The following CHODL variants were observed in gnomAD, a reference collection of about 807,000 sequenced individuals.
The protein encoded by CHODL is transmembrane protein MT75.
A neutral mutation model predicts 34.5 loss-of-function variants in CHODL; 29 were observed. The ratio of observed to expected loss-of-function variants is 0.84; its 90% CI spans 0.63 to 1.15. The LOEUF is 1.15. Ranked by LOEUF, CHODL falls within the 50% of genes most tolerant of loss-of-function variation. The probability of loss-of-function intolerance (pLI) is 0.00; values close to 1 mark genes in which losing one functional copy is unlikely to be tolerated. For missense variants in CHODL, 332 were observed against 332.5 expected, an observed-to-expected ratio of 1.00 and a Z score of 0.01; for synonymous variants, 125 against 116.1, an observed-to-expected ratio of 1.08 and a Z score of -0.49.
At chr21:18,215,823 T>G (rs2073822303) in intron 2 of CHODL, among the ~76,000 whole-genome samples, 1 of 152,168 alleles carries the variant, frequency 6.6e-6, no homozygotes, top group African/African-American at 2.4e-5. Context: ...TACTTCTATC[T>G]ATGAGTTTAC....
At chr21:18,212,611 G>A (rs2073785352) in intron 2 of CHODL, among the ~76,000 whole-genome samples, 2 of 152,064 alleles carry the variant, frequency 1.3e-5, no homozygotes, top group South Asian at 2.1e-4. Context: ...AACACACTCA[G>A]AATTTATCTA....
At chr21:18,038,044 T>A (rs536095888) in intron 2 of CHODL, among the ~76,000 whole-genome samples, 23 of 151,672 alleles carry the variant, frequency 1.5e-4, no homozygotes, top group African/African-American at 4.8e-4. Flanking sequence ...AGCTTTACAA[T>A]TTTTTTTAAT....
At chr21:17,966,807 A>T (rs2063575144) in intron 1 of CHODL, among the ~76,000 whole-genome samples, 1 of 151,694 alleles carries the variant, frequency 6.6e-6, no homozygotes, top group South Asian at 2.1e-4. Context: ...GTTACTACTG[A>T]TTTCCATTAG....
At chr21:18,132,095 T>G (rs1054561206) in intron 2 of CHODL, among the ~76,000 whole-genome samples, 30 of 152,120 alleles carry the variant, frequency 2.0e-4, no homozygotes, top group African/African-American at 7.0e-4. Context: ...TTTTTTATTA[T>G]TATACTTTAA....
chr21:18,144,064 C>G (rs1444595496), intron 2 of CHODL, among the ~76,000 whole-genome samples: 1 of 152,018 alleles, frequency 6.6e-6, no homozygotes, highest in African/African-American at 2.4e-5. Context: ...AAGCTATTTA[C>G]ATGTAATTAG....
intron 1 of CHODL, among the ~76,000 whole-genome samples, chr21:17,954,288 GAAAGA>G (rs1026026587): frequency 2.0e-5 from 3 of 152,074 alleles, no homozygotes; most frequent in Admixed American, 2.0e-4. Context: ...AGAAATAAAG[GAAAGA>G]AGAGATAAAC....
In CHODL at chr21:18,148,349, A is replaced by G. The variant is rs546565941; in HGVS notation, c.-44-108160A>G. Among the ~76,000 whole-genome samples the G allele has an allele frequency of 1.1e-3, 172 of 152,328 alleles. 2 individuals carry two copies. The highest frequency in any genetic ancestry group is 4.0e-3 in the African/African-American group (165 of 41,574). On this transcript the variant is annotated intron_variant, in intron 2 of 6. Coordinates refer to the CHODL transcript ENST00000400127. ...ATCTTTTGAAAAGATATCATTGCAA[A>G]ATAACTAAACACTTCTTTCAAAATC... is the stretch of plus-strand genomic sequence containing the variant.
chr21:17,931,337 CTAA>C (rs2063272040), intron 1 of CHODL, among the ~76,000 whole-genome samples: 1 of 152,122 alleles, frequency 6.6e-6, no homozygotes, highest in African/African-American at 2.4e-5. Context: ...GTACACAAGG[CTAA>C]AGAATAAAAG....
chr21:18,180,025 T>C (rs536915907), intron 2 of CHODL, among the ~76,000 whole-genome samples: 1 of 152,304 alleles, frequency 6.6e-6, no homozygotes, highest in East Asian at 1.9e-4. Flanking sequence ...AAGAAGATAA[T>C]AATAGTACCT....
At chr21:18,050,285 A>T (rs1051691738) in intron 2 of CHODL, among the ~76,000 whole-genome samples, 11 of 151,694 alleles carry the variant, frequency 7.3e-5, no homozygotes, top group Admixed American at 2.6e-4. Flanking sequence ...TGAAGGGGGC[A>T]TCAGGTGTTT....
chr21:18,094,742 CAA>C (rs3984979), intron 2 of CHODL, among the ~76,000 whole-genome samples: 3,608 of 126,498 alleles, frequency 0.029, 136 homozygotes, highest in African/African-American at 0.093. Flanking sequence ...ATGTCTACAT[CAA>C]AAAAAAAAAA....
At chr21:18,255,587 A>G (rs971003439) in intron 1 of CHODL, among the ~76,000 whole-genome samples, 1 of 152,090 alleles carries the variant, frequency 6.6e-6, no homozygotes, top group Non-Finnish European at 1.5e-5. Flanking sequence ...GTCTCCATCC[A>G]AATTGTAAGA....
At chr21:18,191,497 G>T (rs999136614) in intron 2 of CHODL, among the ~76,000 whole-genome samples, 1 of 152,208 alleles carries the variant, frequency 6.6e-6, no homozygotes, top group African/African-American at 2.4e-5. Flanking sequence ...CATCCTCATA[G>T]ATGTGAGGTA....
chr21:18,049,795 G>T lies in CHODL; in HGVS notation c.-45+21824G>T, dbSNP rs183395422. Among the ~76,000 whole-genome samples the T allele has an allele frequency of 2.6e-3, 392 of 152,050 alleles. 2 individuals carry two copies. The highest frequency in any genetic ancestry group is 8.0e-3 in the African/African-American group (332 of 41,518). ...ATTTTAACATAATCATCTCATTAAA[G>T]ACCTTTTCTTCAAATACGGCTGCAT... On this transcript the variant is annotated intron_variant, in intron 2 of 6. Coordinates refer to the CHODL transcript ENST00000400127.
intron 2 of CHODL, among the ~76,000 whole-genome samples, chr21:18,161,988 T>TATA (rs1399435786): frequency 1.3e-5 from 2 of 152,182 alleles, no homozygotes; most frequent in African/African-American, 4.8e-5. Flanking sequence ...CACATGTTAT[T>TATA]ACCACCCACA....
intron 2 of CHODL, among the ~76,000 whole-genome samples, chr21:18,118,336 CAA>C (rs969057122): frequency 2.0e-4 from 30 of 152,074 alleles, no homozygotes; most frequent in African/African-American, 7.0e-4. Flanking sequence ...GCAAAACACT[CAA>C]AGACAGTAGG....
chr21:18,127,134 A>T (rs1601038241), intron 2 of CHODL, among the ~76,000 whole-genome samples: 1 of 152,192 alleles, frequency 6.6e-6, no homozygotes, highest in African/African-American at 2.4e-5. Context: ...TTTAAACACA[A>T]GTTAACTGGG....
intron 1 of CHODL, among the ~76,000 whole-genome samples, chr21:17,941,756 T>G (rs1282701223): frequency 6.6e-6 from 1 of 152,188 alleles, no homozygotes; most frequent in Non-Finnish European, 1.5e-5. Context: ...ATAAACTGGG[T>G]AGCTTATAAA....
chr21:18,163,880 A>G (rs977884634), intron 2 of CHODL, among the ~76,000 whole-genome samples: 4 of 152,218 alleles, frequency 2.6e-5, no homozygotes, highest in Admixed American at 6.5e-5. Flanking sequence ...AACACATGTT[A>G]TCATTTTACT....
Sources: gnomAD v4.1 joint callset for allele counts (sites outside exome capture counted in the v4.1 genomes callset) on GRCh38, gnomAD v4.1.1 for gene constraint, MANE v1.5 for transcripts, NCBI Gene and HGNC (gene_info 2026-07-23, HGNC 2026-07-21) for gene names.